Variants in PWWP2A observed in about 807,000 individuals in gnomAD.
The protein encoded by PWWP2A is PWWP domain-containing protein 2A.
A neutral mutation model predicts 48.5 loss-of-function variants in PWWP2A; 18 were observed. That is an observed-to-expected ratio of 0.37 (90% CI 0.26 to 0.55). The LOEUF is 0.55. Among genes scored for constraint, PWWP2A ranks in the 20% least tolerant of loss-of-function variants. The probability of loss-of-function intolerance (pLI) is 0.81; values close to 1 mark genes in which losing one functional copy is unlikely to be tolerated. For missense variants in PWWP2A, 867 were observed against 976.4 expected, an observed-to-expected ratio of 0.89 and a Z score of 1.49; for synonymous variants, 396 against 387.7, an observed-to-expected ratio of 1.02 and a Z score of -0.25.
intron 2 of PWWP2A, among the ~76,000 whole-genome samples, chr5:160,082,589 T>A (rs960803870): frequency 6.6e-6 from 1 of 152,254 alleles, no homozygotes; most frequent in Non-Finnish European, 1.5e-5. Context: ...CATGTTTCCC[T>A]GTGCAATTCC....
intron 1 of PWWP2A, among the ~76,000 whole-genome samples, chr5:160,110,429 G>A (rs111514723): frequency 0.011 from 1,668 of 152,242 alleles, 29 homozygotes; most frequent in African/African-American, 0.038. Context: ...TGCACTGGCC[G>A]GACGTGGTGG....
chr5:160,087,792 C>A (rs1351310064), downstream of PWWP2A, among the ~76,000 whole-genome samples: 1 of 152,154 alleles, frequency 6.6e-6, no homozygotes, highest in Non-Finnish European at 1.5e-5. Context: ...TCCATACATG[C>A]CACAAGGAAA....
At chr5:160,094,719 T>C in intron 1 of PWWP2A, among the ~76,000 whole-genome samples, 1 of 152,094 alleles carries the variant, frequency 6.6e-6, no homozygotes, top group Non-Finnish European at 1.5e-5. Flanking sequence ...TCATCTCACA[T>C]TAAGAAATAT....
chr5:160,045,454 C>CCACACACACA, the PWWP2A span, among the ~76,000 whole-genome samples: 155 of 38,876 alleles, frequency 4.0e-3, 10 homozygotes, highest in Non-Finnish European at 5.8e-3. Flanking sequence ...CCCCCACCCT[C>CCACACACACA]CACACACACA....
At position 160,092,155 on chromosome 5, in the gene PWWP2A, A is replaced by C. The variant is rs1032266334; in HGVS notation, c.*227T>G. On this transcript the variant is annotated 3_prime_UTR_variant, in exon 2 of 2. Transcript: ENST00000307063. ...GCCTTGGGATGGTTTCGAACTTCAA[A>C]ACTGAAAAATACTGCTAAAATCTCA... The C allele has an allele frequency of 7.7e-7, 1 of 1,291,284 alleles. No individual in the cohort carries two copies. The highest frequency in any genetic ancestry group is 1.5e-5 in the African/African-American group (1 of 67,006). The allele number at this position is 1,291,284 out of a possible 1,614,324, so 80.0% of individuals were successfully genotyped here. A position where few individuals can be genotyped will look rare whatever the true frequency, so the allele number is the denominator to read the frequency against.
chr5:160,059,020 C>A (rs1374775026), downstream of PWWP2A, among the ~76,000 whole-genome samples: 1 of 152,180 alleles, frequency 6.6e-6, no homozygotes, highest in Non-Finnish European at 1.5e-5. Context: ...TAGCATCATT[C>A]TTAAGGGCCC....
chr5:160,087,511 A>G (rs1754734989), downstream of PWWP2A, among the ~76,000 whole-genome samples: 1 of 152,198 alleles, frequency 6.6e-6, no homozygotes, highest in Non-Finnish European at 1.5e-5. Context: ...GCATATTCCA[A>G]TCACACCACT....
chr5:160,111,137 G>A (rs1210069135), intron 1 of PWWP2A, among the ~76,000 whole-genome samples: 2 of 152,034 alleles, frequency 1.3e-5, no homozygotes, highest in African/African-American at 4.8e-5. Context: ...AACCAGCCTG[G>A]GCAACATAGC....
downstream of PWWP2A, chr5:160,091,309 C>T: frequency 1.0e-6 from 1 of 977,788 alleles, no homozygotes. Flanking sequence ...TGAAATTTTT[C>T]AAAGCTTTTT....
At chr5:160,079,440 A>G (rs1292557579) in intron 3 of PWWP2A, among the ~76,000 whole-genome samples, 3 of 152,128 alleles carry the variant, frequency 2.0e-5, no homozygotes, top group Non-Finnish European at 4.4e-5. Context: ...GCTTCTGGAA[A>G]AAAAAAAAAT....
the PWWP2A span, chr5:160,051,193 C>T: frequency 6.2e-7 from 1 of 1,603,206 alleles, no homozygotes; most frequent in Non-Finnish European, 8.5e-7. Context: ...GGTAAGCTTA[C>T]TTCTTACTTT....
chr5:160,044,594 T>C, the PWWP2A span, among the ~76,000 whole-genome samples: 1 of 152,212 alleles, frequency 6.6e-6, no homozygotes, highest in Admixed American at 6.5e-5. Flanking sequence ...TCTTTTAGCA[T>C]GTTAATGCAT....
downstream of PWWP2A, among the ~76,000 whole-genome samples, chr5:160,057,771 C>CGTGT (rs140239164): frequency 6.6e-6 from 1 of 150,576 alleles, no homozygotes; most frequent in African/African-American, 2.4e-5. The surrounding 1 kb of genome is among the most constrained non-coding windows in gnomAD (Gnocchi z 4.4). Flanking sequence ...GGGGTTTGTG[C>CGTGT]GTGTGTGTGT....
At chr5:160,051,147 G>A in the PWWP2A span, 3 of 1,594,838 alleles carry the variant, frequency 1.9e-6, no homozygotes, top group Non-Finnish European at 2.6e-6. Context: ...TAAGCAAATT[G>A]AAGAACGTAA....
downstream of PWWP2A, among the ~76,000 whole-genome samples, chr5:160,060,059 C>T (rs1462808789): frequency 1.3e-5 from 2 of 152,158 alleles, no homozygotes; most frequent in African/African-American, 2.4e-5. Flanking sequence ...TCTTGATTTG[C>T]CTTTTGCTCG....
At chr5:160,107,948 C>A (rs1757066957) in intron 1 of PWWP2A, among the ~76,000 whole-genome samples, 1 of 151,874 alleles carries the variant, frequency 6.6e-6, no homozygotes, top group African/African-American at 2.4e-5. Flanking sequence ...TTCCAGTGAG[C>A]CAAGATTGCA....
Position 160,080,681 on chromosome 5 carries a change from C to A in PWWP2A, c.1639G>T (p.Gly547Ter). The A allele has an allele frequency of 6.4e-7, 1 of 1,565,992 alleles. No homozygotes were observed. Among genetic ancestry groups the A allele is most frequent in the Non-Finnish European group, 8.7e-7 (1 of 1,152,858 alleles). ...CGTTTCACTGTTAACTTCAATGCTC[C>A]CAGTCTGAATCCACAGTGGTCTGTC... Residue 547 changes from glycine (G) to a stop codon, truncating the protein, a stop_gained, in exon 3 of 4, where the codon GGA (glycine) becomes TGA (stop). Coordinates refer to the PWWP2A transcript ENST00000456329. LOFTEE classifies it high-confidence loss of function.
rs374605320 is a variant in PWWP2A at position 160,093,268 on chromosome 5, C to T, written c.1382G>A (p.Arg461Gln). The change falls in exon 2 of 2, where the codon CGA (arginine) becomes CAA (glutamine). Residue 461 changes from arginine to glutamine, a missense_variant. Arg to Gln is a conservative substitution (Grantham distance 43). Around this residue, in one of 4 missense-constraint regions of PWWP2A, gnomAD observed 382 missense variants for 407.2 expected, o/e 0.94. Coordinates refer to ENST00000307063, the MANE Select transcript of PWWP2A (RefSeq NM_001130864.2). The surrounding 1 kb of genome is among the most constrained non-coding windows in gnomAD (Gnocchi z 5.8). ...GGAACCTGAGCTAGGATTCTGATAT[C>T]GACGTGTGAAATGGACTTTTGAATG... ...NAHSKVHFTR[R>Q]YQNPSSGSLP... is the part of the protein sequence containing the mutation. 1.4e-5 allele frequency: 22 copies of T among 1,613,862 alleles called. No homozygotes were observed. Among genetic ancestry groups the T allele is most frequent in the Non-Finnish European group, 1.8e-5 (21 of 1,179,910 alleles).
At chr5:160,060,597 T>C (rs1753339908), downstream of PWWP2A, among the ~76,000 whole-genome samples, 1 of 152,180 alleles carries the variant, frequency 6.6e-6, no homozygotes, top group African/African-American at 2.4e-5. Context: ...TGACAGCCAG[T>C]GGAAAGTGTG....
Sources: allele counts gnomAD v4.1 joint callset (sites outside exome capture counted in the v4.1 genomes callset), GRCh38; gene constraint gnomAD v4.1.1; regional missense constraint gnomAD v4.1.1; non-coding constraint Gnocchi (gnomAD v3.1); transcripts MANE v1.5; gene names NCBI Gene and HGNC (gene_info 2026-07-23, HGNC 2026-07-21).